Variants in MYH2 observed in about 807,000 individuals in gnomAD.
MYH2 encodes the protein myosin-2.
MYH2 carries 139 observed loss-of-function variants against 228.1 expected under a neutral mutation model. The observed-to-expected ratio is 0.61, with a 90% confidence interval of 0.53 to 0.70. The LOEUF is 0.70. MYH2 is among the 30% of genes least tolerant of loss of function. The pLI is 0.00. For missense variants in MYH2, 1,809 were observed against 2,357.5 expected (o/e 0.77, Z 4.82); for synonymous variants, 796 against 871.1 (o/e 0.91, Z 1.52).
At chr17:10,521,580 C>CACAT (rs374833172) in intron 39 of MYH2, 148 bp from the exon 40 acceptor site, 2 of 445,604 alleles carry the variant, frequency 4.5e-6, no homozygotes, top group Non-Finnish European at 3.9e-6. Flanking sequence ...TTATTGATGT[C>CACAT]ATATATATAT....
chr17:10,545,254 C>A, intron 5 of MYH2, 92 bp downstream of exon 5: 1 of 1,608,058 alleles, frequency 6.2e-7, no homozygotes, highest in Non-Finnish European at 8.5e-7. Flanking sequence ...AAGGGACGAT[C>A]TCAAGGAATG....
rs1252322405 is a variant in MYH2, at chr17:10,537,498, A to G, written c.1632T>C (p.Pro544=). The G allele has an allele frequency of 1.2e-6, 2 of 1,614,244 alleles. No individual in the cohort carries two copies. Among genetic ancestry groups the G allele is most frequent in the South Asian group, 1.1e-5 (1 of 91,088 alleles). Residue 544 remains proline, a synonymous_variant, in exon 16 of 40, where the codon CCT becomes CCC. Coordinates refer to ENST00000245503, the MANE Select transcript of MYH2 (RefSeq NM_017534.6). This position sits in a 1 kb window ranked among gnomAD's most constrained non-coding sequence, Gnocchi z 4.0. Reference sequence around the variant, plus strand: ...TCTTGAAGGAGGTGTCTGTTGCCTTAGGGAACATGCACTCCTCTTCCAGGA... The same window carrying G: ...TCTTGAAGGAGGTGTCTGTTGCCTTGGGGAACATGCACTCCTCTTCCAGGA... ...FSILEEECMF[P]KATDTSFKNK... is the part of the protein sequence containing the mutation.
intron 10 of MYH2, among the ~76,000 whole-genome samples, chr17:10,541,413 C>G (rs1279973642): frequency 6.6e-6 from 1 of 152,126 alleles, no homozygotes; most frequent in African/African-American, 2.4e-5. Context: ...TTTAGCGCTC[C>G]CAGGCCTATT....
Position 10,523,334 on chromosome 17 carries a change from T to G in MYH2, c.5551A>C (p.Arg1851=). ...EAVKGLRKHE[R]RVKELTYQTE... The stretch of plus-strand genomic sequence containing the variant: ...TGGTAAGTGAGTTCCTTCACTCGCC[T>G]CTCATGTTTGCGCAGACCTTTGACA... Residue 1851 remains arginine (R), a synonymous_variant, in exon 38 of 40, where the codon AGG becomes CGG. Transcript: ENST00000245503. The G allele has an allele frequency of 6.2e-7, 1 of 1,614,194 alleles. No homozygotes were observed. Among genetic ancestry groups the G allele is most frequent in the Non-Finnish European group, 8.5e-7 (1 of 1,180,032 alleles).
Position 10,539,245 on chromosome 17 carries a change from A to T in MYH2, c.1376T>A (p.Phe459Tyr). The T allele has an allele frequency of 1.9e-6, 3 of 1,614,220 alleles. No individual in the cohort carries two copies. The highest frequency in any genetic ancestry group is 2.5e-6 in the Non-Finnish European group (3 of 1,180,030). ...QLDTKQPRQY[F>Y]IGVLDIAGFE... ...ACCAGCAATGTCCAAGACCCCGATG[A>T]AGTACTGCCTGGGCTGCTTGGTGTC... The change falls in exon 14 of 40, where the codon TTC becomes TAC. Residue 459 changes from phenylalanine (F) to tyrosine (Y), a missense_variant. Physicochemically the swap from Phe to Tyr is conservative, Grantham distance 22. This residue lies in a region of MYH2 where 373 missense variants were observed against 620.4 expected (regional missense o/e 0.60). Transcript: ENST00000245503.
chr17:10,527,650 C>T, intron 28 of MYH2, 98 bp downstream of exon 28: 1 of 1,577,030 alleles, frequency 6.3e-7, no homozygotes, highest in Non-Finnish European at 8.7e-7. Flanking sequence ...CAGACATGTT[C>T]TCAGCTGTTT....
In MYH2 at chr17:10,547,967, G is replaced by C. The variant is rs1457084495; in HGVS notation, c.-20-27C>G. ...TAAAGGAGATAAAACTTTCACATTA[G>C]AGAGTCTGGATTGCCATGTATACCA... On this transcript the variant is annotated intron_variant, in intron 2 of 39. Coordinates refer to ENST00000245503, the MANE Select transcript of MYH2 (RefSeq NM_017534.6). The C allele has an allele frequency of 3.8e-6, 6 of 1,586,022 alleles. No homozygotes were observed. In the South Asian group the frequency reaches 5.5e-5, roughly 15 times the overall value.
At chr17:10,539,763 C>A (rs2073528758) in intron 12 of MYH2, among the ~76,000 whole-genome samples, 165 bp downstream of exon 12, 1 of 152,074 alleles carries the variant, frequency 6.6e-6, no homozygotes, top group African/African-American at 2.4e-5. Flanking sequence ...TAGGAAACAC[C>A]TACCTAGTGC....
At position 10,548,837 on chromosome 17, in the gene MYH2, A is replaced by G. The variant is rs537308498; in HGVS notation, c.-21+538T>C. On this transcript the variant is annotated intron_variant, in intron 2 of 39. Transcript: ENST00000245503. ...ACCGCAGTCATTACATGATCAAATT[A>G]CTTGAAACTCATTTGAATCGTCTCT... 4.3e-4 allele frequency among the ~76,000 whole-genome samples: 65 copies of G among 152,332 alleles called. No homozygotes were observed. In the South Asian group the frequency reaches 0.012, roughly 27 times the overall value.
Position 10,531,664 on chromosome 17 carries a change from T to C in MYH2, c.2666A>G (p.Glu889Gly), listed in dbSNP as rs766408611. ...AACTTGGAGCTGCAAGTCATTTTTT[T>C]CTTTCAACAGCGTCACCATCTTTTC... ...LEEKMVTLLKEKNDLQLQVQA... is the reference protein window; with the variant it reads ...LEEKMVTLLKGKNDLQLQVQA... Residue 889 changes from glutamate (E) to glycine (G), a missense_variant, in exon 22 of 40, where the codon GAA (glutamate) becomes GGA (glycine). Coordinates refer to ENST00000245503, the MANE Select transcript of MYH2 (RefSeq NM_017534.6). 4.3e-6 allele frequency: 7 copies of C among 1,614,214 alleles called. No individual in the cohort carries two copies. The Admixed American group carries it at 8.3e-5, about 19-fold the overall frequency.
At position 10,534,956 on chromosome 17, in the gene MYH2, T is replaced by A. The variant is rs2073465920; in HGVS notation, c.2180+117A>T. 21 of 1,269,382 alleles carry A rather than the reference T, an allele frequency of 1.7e-5. 1 individual carries two copies. The South Asian group carries it at 2.5e-4, about 15-fold the overall frequency. The allele number at this position is 1,269,382 out of a possible 1,614,324, so 78.6% of individuals were successfully genotyped here. ...CGAGACTTGAGACTTGTAATTTTTTTACTTCTTTTTGTGACAAAACTAACA... is the reference window on the plus strand; with the variant it reads ...CGAGACTTGAGACTTGTAATTTTTTAACTTCTTTTTGTGACAAAACTAACA... On this transcript the variant is annotated intron_variant, in intron 19 of 39. Transcript: ENST00000245503.
Position 10,537,108 on chromosome 17 carries a change from T to C in MYH2, c.1897+125A>G. 8 of 1,294,942 alleles carry C rather than the reference T, an allele frequency of 6.2e-6. No homozygotes were observed. Among genetic ancestry groups the C allele is most frequent in the Non-Finnish European group, 8.9e-6 (8 of 902,260 alleles). The allele number at this position is 1,294,942 out of a possible 1,614,324, so 80.2% of individuals were successfully genotyped here. ...GTATAATTACAAGGCTGCCTATCTA[T>C]TCAATACTTGGAGGAACCAGGGGCT... is the stretch of plus-strand genomic sequence containing the variant. On this transcript the variant is annotated intron_variant, in intron 16 of 39. Transcript: ENST00000245503. The surrounding 1 kb of genome is among the most constrained non-coding windows in gnomAD (Gnocchi z 4.0).
chr17:10,547,338 A>G, intron 4 of MYH2, 137 bp downstream of exon 4: 1 of 1,172,300 alleles, frequency 8.5e-7, no homozygotes, highest in South Asian at 1.2e-5. Flanking sequence ...GATAGCAATC[A>G]TGAAGCCTTT....
intron 5 of MYH2, among the ~76,000 whole-genome samples, chr17:10,544,862 G>A (rs35825805): frequency 3.3e-5 from 5 of 152,062 alleles, no homozygotes; most frequent in East Asian, 1.9e-4. Flanking sequence ...GGCAAAGGGC[G>A]ATAGCATTGT....
At chr17:10,535,715 C>T (rs992258033) in intron 17 of MYH2, among the ~76,000 whole-genome samples, 2 of 152,172 alleles carry the variant, frequency 1.3e-5, no homozygotes, top group Non-Finnish European at 2.9e-5. Context: ...CTACCAAATT[C>T]CATAGTTCTC....
chr17:10,538,351 GT>G (rs1376410762), intron 14 of MYH2, among the ~76,000 whole-genome samples: 64 of 151,840 alleles, frequency 4.2e-4, no homozygotes, highest in African/African-American at 1.5e-3. Flanking sequence ...ATTATATAAA[GT>G]ATGACAATAT....
intron 2 of MYH2, 49 bp from the exon 3 acceptor site, chr17:10,547,989 A>T (rs1849333543): frequency 6.8e-7 from 1 of 1,472,506 alleles, no homozygotes; most frequent in Non-Finnish European, 9.4e-7. Flanking sequence ...TGCCATGTAT[A>T]CCAATAAATC....
At position 10,525,564 on chromosome 17, in the gene MYH2, G is replaced by T. The variant is rs938120515; in HGVS notation, c.4424C>A (p.Ala1475Asp). Reference sequence around the variant, plus strand: ...AAGGGAACGGGCCTCCTTCTGGGAGGCCTCAAGCTCAGCATGCGTTTCCTC... The same window carrying T: ...AAGGGAACGGGCCTCCTTCTGGGAGTCCTCAAGCTCAGCATGCGTTTCCTC... ...KCEETHAELE[A>D]SQKEARSLGT... Residue 1475 changes from alanine (A) to aspartate (D), a missense_variant, in exon 32 of 40, where the codon GCC becomes GAC. By Grantham distance (126) the Ala-to-Asp change is moderately radical (BLOSUM62 -2). Coordinates refer to ENST00000245503, the MANE Select transcript of MYH2 (RefSeq NM_017534.6). The surrounding 1 kb of genome is among the most constrained non-coding windows in gnomAD (Gnocchi z 4.2). The T allele has an allele frequency of 9.9e-6, 16 of 1,614,032 alleles. No homozygotes were observed. Among genetic ancestry groups the T allele is most frequent in the Non-Finnish European group, 1.4e-5 (16 of 1,180,040 alleles).
At chr17:10,522,161 G>T (rs1001385696) in intron 39 of MYH2, among the ~76,000 whole-genome samples, 2 of 152,074 alleles carry the variant, frequency 1.3e-5, no homozygotes, top group African/African-American at 2.4e-5. Context: ...CCATGCTCTT[G>T]AACAGCTACA....
Sources: gnomAD v4.1 joint callset for allele counts (sites outside exome capture counted in the v4.1 genomes callset) on GRCh38, gnomAD v4.1.1 for gene constraint, gnomAD v4.1.1 regional missense constraint, Gnocchi (gnomAD v3.1) non-coding constraint, MANE v1.5 for transcripts, NCBI Gene and HGNC (gene_info 2026-07-23, HGNC 2026-07-21) for gene names.